UNC5D: variants seen among roughly 807,000 people sequenced by gnomAD.
UNC5D encodes the protein unc-5 netrin receptor D.
A neutral mutation model predicts 105.4 loss-of-function variants in UNC5D; 39 were observed. That is an observed-to-expected ratio of 0.37 (90% CI 0.29 to 0.48). The LOEUF is 0.48. Ranked by LOEUF, UNC5D falls within the 20% of genes least tolerant of loss-of-function variation. UNC5D has a pLI of 0.98. For missense variants in UNC5D, 991 were observed against 1,202.4 expected (o/e 0.82, Z 2.60); for synonymous variants, 452 against 450.4 (o/e 1.00, Z -0.04).
At chr8:35,354,648 A>G (rs1801447631) in intron 1 of UNC5D, among the ~76,000 whole-genome samples, 1 of 152,178 alleles carries the variant, frequency 6.6e-6, no homozygotes, top group Non-Finnish European at 1.5e-5. Flanking sequence ...AACTCTAAAA[A>G]AGTGGCCTGG....
chr8:35,752,310 G>A (rs1830321585), intron 13 of UNC5D, among the ~76,000 whole-genome samples: 1 of 152,112 alleles, frequency 6.6e-6, no homozygotes, highest in African/African-American at 2.4e-5. Flanking sequence ...TGCTATTCCA[G>A]TTTTGGGTCA....
intron 1 of UNC5D, among the ~76,000 whole-genome samples, chr8:35,467,163 TCA>T (rs1442840538): frequency 6.6e-6 from 1 of 152,168 alleles, no homozygotes; most frequent in African/African-American, 2.4e-5. Context: ...TCGTACTCCC[TCA>T]CAGTTTTTTC....
intron 4 of UNC5D, among the ~76,000 whole-genome samples, chr8:35,607,819 ACTT>A (rs1586238488): frequency 1.3e-5 from 2 of 151,906 alleles, no homozygotes; most frequent in East Asian, 1.9e-4. Context: ...AGTCAAATAA[ACTT>A]CTTTCCTTTA....
rs966094113 is a variant in UNC5D at position 35,742,772 on chromosome 8, T to C, written c.1767-5755T>C. 3.3e-4 allele frequency among the ~76,000 whole-genome samples: 50 copies of C among 152,272 alleles called. 1 individual carries two copies. Among genetic ancestry groups the C allele is most frequent in the African/African-American group, 1.2e-3 (49 of 41,564 alleles). On this transcript the variant is annotated intron_variant, in intron 11 of 16. Transcript: ENST00000404895. Reference sequence around the variant, plus strand: ...TACACCTCCCATCCTGCCATGGTTATTAGCAGTTGGTGCCTCGTAGCTGAC... The same window carrying C: ...TACACCTCCCATCCTGCCATGGTTACTAGCAGTTGGTGCCTCGTAGCTGAC...
chr8:35,576,486 A>G (rs1036285963), intron 3 of UNC5D, among the ~76,000 whole-genome samples: 6 of 152,214 alleles, frequency 3.9e-5, no homozygotes, highest in Non-Finnish European at 5.9e-5. Context: ...CAGTGTTTCT[A>G]TGGCCACAGC....
At chr8:35,507,291 G>A (rs1276451499) in intron 1 of UNC5D, among the ~76,000 whole-genome samples, 1 of 151,868 alleles carries the variant, frequency 6.6e-6, no homozygotes, top group Non-Finnish European at 1.5e-5. Flanking sequence ...TCCTGACCTC[G>A]TGATCCGCCC....
chr8:35,588,457 A>G (rs1345645296), intron 3 of UNC5D, among the ~76,000 whole-genome samples: 2 of 152,142 alleles, frequency 1.3e-5, no homozygotes, highest in African/African-American at 2.4e-5. Flanking sequence ...CTCAGTTTAG[A>G]TATTACTCTC....
chr8:35,577,845 G>A (rs941115498), intron 3 of UNC5D, among the ~76,000 whole-genome samples: 8 of 152,120 alleles, frequency 5.3e-5, no homozygotes, highest in African/African-American at 1.7e-4. Flanking sequence ...TAATGTCACC[G>A]AAAATGGGTC....
At chr8:35,676,899 AAT>A (rs1018242699) in intron 4 of UNC5D, among the ~76,000 whole-genome samples, 3 of 142,412 alleles carry the variant, frequency 2.1e-5, no homozygotes, top group African/African-American at 8.1e-5. Flanking sequence ...CTCACTCATG[AAT>A]ATGTTTTTTT....
At chr8:35,746,401 G>A (rs1360439315) in intron 11 of UNC5D, among the ~76,000 whole-genome samples, 9 of 152,012 alleles carry the variant, frequency 5.9e-5, no homozygotes, top group African/African-American at 9.7e-5. Context: ...GTGAAGTTCC[G>A]GTGAACTTCT....
chr8:35,673,431 C>G (rs1180082425), intron 4 of UNC5D, among the ~76,000 whole-genome samples: 2 of 152,164 alleles, frequency 1.3e-5, no homozygotes, highest in Admixed American at 6.5e-5. Flanking sequence ...AAAGAGTAGC[C>G]TTTCACATAG....
chr8:35,580,307 A>G (rs995664927), intron 3 of UNC5D, among the ~76,000 whole-genome samples: 1 of 152,166 alleles, frequency 6.6e-6, no homozygotes, highest in Non-Finnish European at 1.5e-5. Context: ...AGTCACTGGC[A>G]AGTAGGTGGT....
intron 13 of UNC5D, among the ~76,000 whole-genome samples, chr8:35,758,218 C>A (rs557148054): frequency 1.3e-5 from 2 of 152,240 alleles, no homozygotes; most frequent in African/African-American, 4.8e-5. Context: ...ACTTTTTAGT[C>A]AAAAATGTTT....
chr8:35,486,254 C>T (rs1345206191), intron 1 of UNC5D, among the ~76,000 whole-genome samples: 1 of 152,168 alleles, frequency 6.6e-6, no homozygotes, highest in African/African-American at 2.4e-5. Context: ...TCCTGTTATG[C>T]ATACGTATGG....
chr8:35,587,092 A>G (rs1330933748), intron 3 of UNC5D, among the ~76,000 whole-genome samples: 3 of 152,008 alleles, frequency 2.0e-5, no homozygotes, highest in African/African-American at 4.8e-5. Flanking sequence ...TGGTTATATG[A>G]TTTACAGGTT....
At chr8:35,436,410 CT>C (rs1807017629) in intron 1 of UNC5D, among the ~76,000 whole-genome samples, 2 of 151,958 alleles carry the variant, frequency 1.3e-5, no homozygotes, top group Non-Finnish European at 2.9e-5. Context: ...CATTTATCTA[CT>C]TAATTTAAGA....
intron 1 of UNC5D, among the ~76,000 whole-genome samples, chr8:35,471,392 T>C (rs1356279088): frequency 6.6e-6 from 1 of 152,162 alleles, no homozygotes; most frequent in Non-Finnish European, 1.5e-5. Flanking sequence ...TAGAAGACAC[T>C]GCATGAAGCT....
Position 35,794,511 on chromosome 8 carries a change from T to C in UNC5D, c.*3948T>C, listed in dbSNP as rs969050057. 1 of 152,644 alleles carries C rather than the reference T, an allele frequency of 6.6e-6. No homozygotes were observed. The highest frequency in any genetic ancestry group is 1.5e-5 in the Non-Finnish European group (1 of 68,036). 9.5% of individuals were successfully genotyped at this position (152,644 alleles called of 1,614,324 possible). The stretch of plus-strand genomic sequence containing the variant: ...TATTCGCCTTTGGTGTTAGTTGCCA[T>C]AGTGCTGTATTTGAAAATCGATGCT... On this transcript the variant is annotated 3_prime_UTR_variant, in exon 17 of 17. Coordinates refer to ENST00000404895, the MANE Select transcript of UNC5D (RefSeq NM_080872.4).
At chr8:35,421,737 T>G (rs1182418158) in intron 1 of UNC5D, among the ~76,000 whole-genome samples, 1 of 152,154 alleles carries the variant, frequency 6.6e-6, no homozygotes, top group African/African-American at 2.4e-5. Flanking sequence ...AAATACAACA[T>G]TTATGAAAAA....
Sources: allele counts gnomAD v4.1 joint callset (sites outside exome capture counted in the v4.1 genomes callset), GRCh38; gene constraint gnomAD v4.1.1; transcripts MANE v1.5; gene names NCBI Gene and HGNC (gene_info 2026-07-23, HGNC 2026-07-21).